NTRK3: variants seen among roughly 807,000 people sequenced by gnomAD.
NTRK3 encodes neurotrophic receptor tyrosine kinase 3, also known as NT-3 growth factor receptor.
Under a neutral mutation model 91.7 loss-of-function variants are expected in NTRK3, and 24 were observed. The ratio of observed to expected loss-of-function variants is 0.26; its 90% CI spans 0.19 to 0.37. NTRK3 has a LOEUF of 0.37. Among genes scored for constraint, NTRK3 ranks in the 10% least tolerant of loss-of-function variants. The probability of loss-of-function intolerance (pLI) is 1.00; values close to 1 mark genes in which losing one functional copy is unlikely to be tolerated. For missense variants in NTRK3, 880 were observed against 1,068.9 expected (o/e 0.82, Z 2.46); for synonymous variants, 483 against 404.0 (o/e 1.20, Z -2.34).
At chr15:87,872,448 T>TA in exon 19 of NTRK3, 1 of 226,914 alleles carries the variant, frequency 4.4e-6, no homozygotes, top group Non-Finnish European at 8.8e-6. Flanking sequence ...CATTAAAAGA[T>TA]AAAAATCTTG....
chr15:87,912,934 AT>A (rs1567099613), intron 17 of NTRK3, among the ~76,000 whole-genome samples: 25 of 21,720 alleles, frequency 1.2e-3, no homozygotes, highest in African/African-American at 5.3e-3. Flanking sequence ...AAAAAAAAAT[AT>A]ATATATATAT....
At chr15:88,253,492 T>C (rs74027929) in intron 3 of NTRK3, 26,569 of 152,282 alleles carry the variant, frequency 0.17, 3,191 homozygotes, top group African/African-American at 0.34. Context: ...AGCGTGACTC[T>C]CCGCCCTCTC....
chr15:87,909,489 A>C (rs1187845780), intron 17 of NTRK3, among the ~76,000 whole-genome samples: 2 of 152,202 alleles, frequency 1.3e-5, no homozygotes, highest in Non-Finnish European at 2.9e-5. Flanking sequence ...GGTGAGGCTG[A>C]AAAGACCATC....
At position 88,255,869 on chromosome 15, in the gene NTRK3, C is replaced by A. The variant is rs1247524690; in HGVS notation, c.248+37G>T. The A allele has an allele frequency of 6.3e-7, 1 of 1,579,794 alleles. No homozygotes were observed. Among genetic ancestry groups the A allele is most frequent in the Non-Finnish European group, 8.6e-7 (1 of 1,158,340 alleles). On this transcript the variant is annotated intron_variant, in intron 3 of 18. Coordinates refer to ENST00000394480, the Ensembl canonical transcript of NTRK3. The surrounding 1 kb of genome is among the most constrained non-coding windows in gnomAD (Gnocchi z 4.3). Reference sequence around the variant, plus strand: ...GTGGGCAGGAGGGAGACGCAGAGCGCGGGGGAGGCAGGCTGGGGAGCGGCC... The same window carrying A: ...GTGGGCAGGAGGGAGACGCAGAGCGAGGGGGAGGCAGGCTGGGGAGCGGCC...
At chr15:87,947,048 T>G (rs2070612606) in intron 14 of NTRK3, among the ~76,000 whole-genome samples, 1 of 151,822 alleles carries the variant, frequency 6.6e-6, no homozygotes, top group African/African-American at 2.4e-5. Context: ...CTGGTGAATT[T>G]TTGTACTTTT....
At chr15:87,971,279 G>A (rs757944660) in intron 14 of NTRK3, among the ~76,000 whole-genome samples, 4 of 152,150 alleles carry the variant, frequency 2.6e-5, no homozygotes, top group Non-Finnish European at 5.9e-5. Flanking sequence ...AAAGGCCTCA[G>A]TGAGGAGCTA....
chr15:88,094,759 G>T (rs2049408316), intron 13 of NTRK3, among the ~76,000 whole-genome samples: 1 of 152,198 alleles, frequency 6.6e-6, no homozygotes, highest in Non-Finnish European at 1.5e-5. Context: ...GTGCCCTGCA[G>T]ACGTGAATGT....
chr15:88,097,401 A>G (rs1382846749), intron 13 of NTRK3, among the ~76,000 whole-genome samples: 1 of 152,226 alleles, frequency 6.6e-6, no homozygotes, highest in African/African-American at 2.4e-5. Flanking sequence ...GAACGCACTG[A>G]TAAGAACTAT....
chr15:88,077,091 C>CAAAT (rs1044506737), intron 13 of NTRK3, among the ~76,000 whole-genome samples: 1 of 152,052 alleles, frequency 6.6e-6, no homozygotes, highest in East Asian at 1.9e-4. Flanking sequence ...TAGACTCCAT[C>CAAAT]AAATAAATAA....
rs1392937987 is a variant in NTRK3, at chr15:88,043,786, G to A, written c.1397-10741C>T. On this transcript the variant is annotated intron_variant, in intron 13 of 18. Transcript: ENST00000394480. ...ATGAGTTAGAAGAGAAAGAGAGAGAGAACTGATGCAGAGAAGAAGAAAATC... is the reference window on the plus strand; with the variant it reads ...ATGAGTTAGAAGAGAAAGAGAGAGAAAACTGATGCAGAGAAGAAGAAAATC... 2.6e-5 allele frequency among the ~76,000 whole-genome samples: 4 copies of A among 152,142 alleles called. 1 individual carries two copies. The highest frequency in any genetic ancestry group is 5.9e-5 in the Non-Finnish European group (4 of 68,028).
At chr15:88,143,932 G>A (rs140393526) in intron 6 of NTRK3, 30 of 152,256 alleles carry the variant, frequency 2.0e-4, no homozygotes, top group African/African-American at 6.5e-4. Context: ...ATGCATGCAG[G>A]GTATTCAGAG....
exon 19 of NTRK3, chr15:87,866,588 G>C (rs905593820): frequency 5.5e-6 from 1 of 181,206 alleles, no homozygotes. Flanking sequence ...AGTAAATATG[G>C]TTATTTGTGT....
At chr15:88,039,903 G>A (rs756880105) in intron 13 of NTRK3, among the ~76,000 whole-genome samples, 1 of 152,182 alleles carries the variant, frequency 6.6e-6, no homozygotes, top group African/African-American at 2.4e-5. Flanking sequence ...TTTTAAAAGA[G>A]GAAAAGCAGA....
intron 13 of NTRK3, among the ~76,000 whole-genome samples, chr15:88,033,985 T>G (rs1480216276): frequency 1.3e-5 from 2 of 152,092 alleles, no homozygotes; most frequent in Non-Finnish European, 2.9e-5. Flanking sequence ...AAGCTGGACA[T>G]CAGATTGTGA....
rs535532918 is a variant in NTRK3 at position 88,100,841 on chromosome 15, C to T, written c.1396+25430G>A. ...TAGAAAGCTGAAACTGGATCCCTTC[C>T]TTACACCTTATACAAAAATTAATTC... On this transcript the variant is annotated intron_variant, in intron 13 of 18. Transcript: ENST00000394480. 2.0e-5 allele frequency among the ~76,000 whole-genome samples: 3 copies of T among 152,308 alleles called. No individual in the cohort carries two copies. The South Asian group carries it at 6.2e-4, about 32-fold the overall frequency.
chr15:88,011,775 C>T (rs1378770483), intron 14 of NTRK3, among the ~76,000 whole-genome samples: 1 of 152,186 alleles, frequency 6.6e-6, no homozygotes. Context: ...GGAAAGTCTG[C>T]ACAGCCAGAT....
intron 17 of NTRK3, among the ~76,000 whole-genome samples, chr15:87,881,644 C>T (rs2065261451): frequency 6.6e-6 from 1 of 152,042 alleles, no homozygotes; most frequent in African/African-American, 2.4e-5. Flanking sequence ...TGGTCTCGAT[C>T]TTCTGACCTC....
chr15:88,143,309 G>A lies in NTRK3; in HGVS notation c.464+4026C>T, dbSNP rs551799432. 1.5e-4 allele frequency among the ~76,000 whole-genome samples: 23 copies of A among 152,298 alleles called. No individual in the cohort carries two copies. In the South Asian group the frequency reaches 4.8e-3, roughly 32 times the overall value. On this transcript the variant is annotated intron_variant, in intron 6 of 18. Coordinates refer to ENST00000394480, the Ensembl canonical transcript of NTRK3. ...GCAGGCACGTGAGATGGAGTCAGAGGTTGAAGTGATGCTGCCACAAGCCAA... is the reference window on the plus strand; with the variant it reads ...GCAGGCACGTGAGATGGAGTCAGAGATTGAAGTGATGCTGCCACAAGCCAA...
chr15:88,057,719 G>A (rs1043649923), intron 13 of NTRK3, among the ~76,000 whole-genome samples: 10 of 152,262 alleles, frequency 6.6e-5, no homozygotes, highest in African/African-American at 2.2e-4. Flanking sequence ...GTGAGCTGCC[G>A]GGAAAACCCT....
Sources: gnomAD v4.1 joint callset for allele counts (sites outside exome capture counted in the v4.1 genomes callset) on GRCh38, gnomAD v4.1.1 for gene constraint, Gnocchi (gnomAD v3.1) non-coding constraint, MANE v1.5 for transcripts, NCBI Gene and HGNC (gene_info 2026-07-23, HGNC 2026-07-21) for gene names.